The following MAP4 variants were observed in gnomAD, a reference collection of about 807,000 sequenced individuals.
MAP4 encodes microtubule-associated protein 4.
A neutral mutation model predicts 170.2 loss-of-function variants in MAP4; 76 were observed. The observed-to-expected ratio is 0.45, with a 90% CI of 0.37 to 0.54. The LOEUF (loss-of-function observed/expected upper bound fraction) is 0.54. Ranked by LOEUF, MAP4 falls within the 20% of genes least tolerant of loss-of-function variation. The pLI is 0.00. For synonymous variants in MAP4, 909 were observed against 994.5 expected, an observed-to-expected ratio of 0.91 and a Z score of 1.62; for missense variants, 2,506 against 2,748.0, an observed-to-expected ratio of 0.91 and a Z score of 1.97.
chr3:48,057,024 G>A (rs1437221496), intron 1 of MAP4, among the ~76,000 whole-genome samples: 18 of 141,164 alleles, frequency 1.3e-4, no homozygotes, highest in Admixed American at 6.9e-4. Flanking sequence ...CGCCCCGTCC[G>A]GGAGGTGAGG....
chr3:48,050,514 C>G (rs2100127130), intron 1 of MAP4, among the ~76,000 whole-genome samples: 3 of 151,246 alleles, frequency 2.0e-5, no homozygotes. Flanking sequence ...CAATGAGATA[C>G]TATTTTTCAT....
At chr3:48,020,457 G>A (rs1040591859), upstream of MAP4, among the ~76,000 whole-genome samples, 1 of 152,198 alleles carries the variant, frequency 6.6e-6, no homozygotes, top group Admixed American at 6.5e-5. Context: ...GCACGACTAA[G>A]GGTAGAGTAG....
At chr3:48,026,565 T>A (rs1261814580) in intron 1 of MAP4, among the ~76,000 whole-genome samples, 1 of 152,208 alleles carries the variant, frequency 6.6e-6, no homozygotes, top group Non-Finnish European at 1.5e-5. Context: ...TCTTTAAGAT[T>A]TTTCTAGAAG....
intron 1 of MAP4, among the ~76,000 whole-genome samples, chr3:48,007,018 C>A (rs1327400286): frequency 6.6e-6 from 1 of 152,258 alleles, no homozygotes; most frequent in East Asian, 1.9e-4. Flanking sequence ...TGTCCTACCT[C>A]AGGGGTATAT....
chr3:47,901,580 G>T (rs991157238), intron 10 of MAP4, among the ~76,000 whole-genome samples: 3 of 151,820 alleles, frequency 2.0e-5, no homozygotes, highest in African/African-American at 7.3e-5. Context: ...CAACTGAGGT[G>T]GGAGTATCAC....
chr3:47,920,832 A>G (rs1469276595), intron 5 of MAP4, among the ~76,000 whole-genome samples: 2 of 152,176 alleles, frequency 1.3e-5, no homozygotes, highest in African/African-American at 4.8e-5. Context: ...GGTTACAGGC[A>G]TGAGCCACTG....
chr3:48,014,313 G>C (rs1385112358), intron 1 of MAP4, among the ~76,000 whole-genome samples: 1 of 152,110 alleles, frequency 6.6e-6, no homozygotes, highest in Non-Finnish European at 1.5e-5. Flanking sequence ...CCACTCACTC[G>C]GGGTCTGTGC....
rs12631865 is a variant in MAP4 at position 47,866,375 on chromosome 3, C to A, written c.6501+871G>T. The stretch of plus-strand genomic sequence containing the variant: ...ACAAACAAACAAACAAACAAACAAA[C>A]AAAAAAACAGGAAAAGGGACTAAAA... On this transcript the variant is annotated intron_variant, in intron 17 of 20. Coordinates refer to ENST00000683076, the MANE Select transcript of MAP4 (RefSeq NM_001385682.1). Among the ~76,000 whole-genome samples the A allele has an allele frequency of 4.5e-4, 67 of 147,658 alleles. 1 individual carries two copies. In the East Asian group the frequency reaches 5.0e-3, roughly 11 times the overall value.
intron 3 of MAP4, among the ~76,000 whole-genome samples, chr3:47,958,015 C>T (rs770753697): frequency 8.1e-4 from 123 of 152,256 alleles, no homozygotes; most frequent in African/African-American, 2.8e-3. Flanking sequence ...GCATACACAA[C>T]AATGGTTCAA....
At chr3:48,071,540 A>T (rs1382798096) in intron 1 of MAP4, among the ~76,000 whole-genome samples, 1 of 152,162 alleles carries the variant, frequency 6.6e-6, no homozygotes, top group Non-Finnish European at 1.5e-5. Flanking sequence ...ATGGACTGAG[A>T]CCCATCTCAA....
chr3:47,935,628 A>G (rs1166296470), intron 3 of MAP4, among the ~76,000 whole-genome samples: 1 of 151,980 alleles, frequency 6.6e-6, no homozygotes, highest in Non-Finnish European at 1.5e-5. Flanking sequence ...ATTTTAAGAT[A>G]TTGAACCATA....
intron 1 of MAP4, among the ~76,000 whole-genome samples, chr3:48,013,294 C>G (rs535911054): frequency 7.3e-4 from 111 of 151,626 alleles, no homozygotes; most frequent in African/African-American, 2.6e-3. Context: ...GAATGAGAAG[C>G]ATTTACTCTA....
chr3:47,979,892 G>A (rs1374983851), intron 2 of MAP4, among the ~76,000 whole-genome samples: 1 of 151,918 alleles, frequency 6.6e-6, no homozygotes, highest in Admixed American at 6.6e-5. Context: ...TAGTGCAATC[G>A]TGGCTCACTG....
intron 3 of MAP4, among the ~76,000 whole-genome samples, chr3:47,970,044 A>T (rs2100077638): frequency 6.6e-6 from 1 of 152,142 alleles, no homozygotes; most frequent in African/African-American, 2.4e-5. Context: ...GTCATACTTC[A>T]CTGTATTCTT....
rs185476677 is a variant in MAP4, at chr3:48,001,400, T to A, written c.-19-2521A>T. 9.2e-5 allele frequency among the ~76,000 whole-genome samples: 14 copies of A among 152,332 alleles called. 1 individual carries two copies. In the East Asian group the frequency reaches 2.5e-3, roughly 27 times the overall value. ...AAAAATTTCAAATAAATTTAAGCCTTCTTCCATGTGCCTAATTTTATGAGT... is the reference window on the plus strand; with the variant it reads ...AAAAATTTCAAATAAATTTAAGCCTACTTCCATGTGCCTAATTTTATGAGT... On this transcript the variant is annotated intron_variant, in intron 1 of 20. Coordinates refer to ENST00000683076, the MANE Select transcript of MAP4 (RefSeq NM_001385682.1).
chr3:47,893,663 G>GT (rs2100025245), intron 10 of MAP4, among the ~76,000 whole-genome samples: 1 of 151,942 alleles, frequency 6.6e-6, no homozygotes, highest in Non-Finnish European at 1.5e-5. Flanking sequence ...TTGTCTAGCT[G>GT]TAAGTTACTG....
intron 1 of MAP4, among the ~76,000 whole-genome samples, chr3:48,022,200 A>G (rs2100110897): frequency 6.6e-6 from 1 of 152,244 alleles, no homozygotes; most frequent in Admixed American, 6.5e-5. Flanking sequence ...GCAGCCCTAA[A>G]TGTGAACGGT....
chr3:47,956,926 G>T (rs2100068168), intron 3 of MAP4, among the ~76,000 whole-genome samples: 1 of 152,158 alleles, frequency 6.6e-6, no homozygotes, highest in African/African-American at 2.4e-5. Flanking sequence ...GACTAACTCT[G>T]AGCCCTGAAT....
intron 1 of MAP4, among the ~76,000 whole-genome samples, chr3:48,072,273 C>T (rs539112428): frequency 2.0e-5 from 3 of 151,936 alleles, no homozygotes; most frequent in Admixed American, 6.6e-5. Flanking sequence ...TTTGGGAGGC[C>T]GAGGTGGGCG....
Sources: allele counts gnomAD v4.1 joint callset (sites outside exome capture counted in the v4.1 genomes callset), GRCh38; gene constraint gnomAD v4.1.1; transcripts MANE v1.5; gene names NCBI Gene and HGNC (gene_info 2026-07-23, HGNC 2026-07-21).